Variants in MPPED2 observed in about 807,000 individuals in gnomAD.
MPPED2 encodes metallophosphoesterase MPPED2.
A neutral mutation model predicts 33.0 loss-of-function variants in MPPED2; 5 were observed. The observed-to-expected ratio is 0.15, with a 90% confidence interval of 0.08 to 0.32. The LOEUF is 0.32. Among genes scored for constraint, MPPED2 ranks in the 10% least tolerant of loss-of-function variants. The pLI is 1.00. For synonymous variants in MPPED2, 136 were observed against 141.9 expected (o/e 0.96, Z 0.29); for missense variants, 275 against 372.1 (o/e 0.74, Z 2.15).
At chr11:30,462,758 T>A (rs1950557729) in intron 4 of MPPED2, among the ~76,000 whole-genome samples, 1 of 152,224 alleles carries the variant, frequency 6.6e-6, no homozygotes, top group Non-Finnish European at 1.5e-5. Context: ...GTATTTTTAA[T>A]TGATGGAAAA....
At chr11:30,585,832 G>A (rs933714515) in intron 1 of MPPED2, among the ~76,000 whole-genome samples, 1 of 152,210 alleles carries the variant, frequency 6.6e-6, no homozygotes, top group Non-Finnish European at 1.5e-5. Context: ...AATTGCCCGG[G>A]AGGCGCCCGC....
chr11:30,514,290 T>C (rs1362232817), intron 3 of MPPED2, among the ~76,000 whole-genome samples: 1 of 152,180 alleles, frequency 6.6e-6, no homozygotes, highest in African/African-American at 2.4e-5. Context: ...TTCAAGGAAA[T>C]GGTCATCACC....
In MPPED2 at chr11:30,495,358, G is replaced by C; in HGVS notation, c.474C>G (p.Asn158Lys). Residue 158 changes from asparagine (N) to lysine (K), a missense_variant, in exon 4 of 7, where the codon AAC (asparagine) becomes AAG (lysine). By Grantham distance (94) the Asn-to-Lys change is moderately conservative. Coordinates refer to ENST00000358117, the MANE Select transcript of MPPED2 (RefSeq NM_001584.3). ...DFDNVQSLLT[N>K]SIYLQDSEVT... ...CCTCCGAATCTTGTAAGTAAATACT[G>C]TTTGTCAGGAGGGACTGAACATTGT... 1.9e-6 allele frequency: 3 copies of C among 1,614,104 alleles called. No individual in the cohort carries two copies. In the African/African-American group the frequency reaches 4.0e-5, roughly 22 times the overall value.
At chr11:30,405,341 A>G (rs374937183), downstream of MPPED2, among the ~76,000 whole-genome samples, 26 of 152,306 alleles carry the variant, frequency 1.7e-4, no homozygotes, top group South Asian at 5.4e-3. Context: ...GAGTGTTCAG[A>G]TGCACCTCAT....
chr11:30,416,010 C>T (rs1361911023), intron 5 of MPPED2, among the ~76,000 whole-genome samples: 1 of 152,230 alleles, frequency 6.6e-6, no homozygotes, highest in African/African-American at 2.4e-5. Context: ...CACTGGGTAA[C>T]TCATGCTGAT....
intron 6 of MPPED2, among the ~76,000 whole-genome samples, chr11:30,399,000 C>T (rs1020911587): frequency 6.6e-6 from 1 of 152,084 alleles, no homozygotes; most frequent in Non-Finnish European, 1.5e-5. Flanking sequence ...GTGAAAGATG[C>T]TCCAAAAGTG....
downstream of MPPED2, among the ~76,000 whole-genome samples, chr11:30,405,806 T>C (rs1191641878): frequency 1.3e-5 from 2 of 152,086 alleles, no homozygotes; most frequent in East Asian, 3.9e-4. Flanking sequence ...ATTGACAGAA[T>C]AAAAATCCTC....
intron 2 of MPPED2, among the ~76,000 whole-genome samples, chr11:30,562,779 G>A (rs950626157): frequency 3.3e-5 from 5 of 152,038 alleles, no homozygotes; most frequent in African/African-American, 1.2e-4. Context: ...CTCTACTTCT[G>A]TTTCCTTCAC....
chr11:30,386,549 C>G, exon 7 of MPPED2: 1 of 394,612 alleles, frequency 2.5e-6, no homozygotes, highest in Non-Finnish European at 4.5e-6. Flanking sequence ...TTATAAAATA[C>G]CCAGTCTCAG....
At chr11:30,506,873 GC>G (rs1952851301) in intron 3 of MPPED2, among the ~76,000 whole-genome samples, 1 of 152,200 alleles carries the variant, frequency 6.6e-6, no homozygotes, top group South Asian at 2.1e-4. Flanking sequence ...ATTCTGCGGG[GC>G]AGGGCTGCAG....
chr11:30,491,689 T>C (rs1483861085), intron 4 of MPPED2, among the ~76,000 whole-genome samples: 2 of 152,102 alleles, frequency 1.3e-5, no homozygotes, highest in Non-Finnish European at 2.9e-5. Context: ...ACTGAGCAAG[T>C]GGTAAAGATG....
intron 4 of MPPED2, among the ~76,000 whole-genome samples, chr11:30,484,453 T>A (rs544802021): frequency 5.8e-4 from 89 of 152,316 alleles, no homozygotes; most frequent in Non-Finnish European, 9.4e-4. Context: ...TAATGCAGAT[T>A]TGTAGCTCAC....
intron 3 of MPPED2, among the ~76,000 whole-genome samples, chr11:30,523,092 G>A (rs1358722185): frequency 6.6e-6 from 1 of 151,922 alleles, no homozygotes; most frequent in Non-Finnish European, 1.5e-5. Context: ...GTCAGGCAGA[G>A]TAGAGCCCTG....
intron 4 of MPPED2, among the ~76,000 whole-genome samples, chr11:30,488,067 C>T (rs1951820960): frequency 6.6e-6 from 1 of 152,176 alleles, no homozygotes. Flanking sequence ...TCCTATTTTG[C>T]CCTCAAATTA....
chr11:30,562,058 T>C (rs1051272497), intron 2 of MPPED2, among the ~76,000 whole-genome samples: 3 of 152,182 alleles, frequency 2.0e-5, no homozygotes, highest in African/African-American at 7.2e-5. Context: ...TTCATCTTCA[T>C]GTCTCCAAAT....
At chr11:30,450,640 A>G (rs1950016426) in intron 4 of MPPED2, among the ~76,000 whole-genome samples, 1 of 152,200 alleles carries the variant, frequency 6.6e-6, no homozygotes, top group Non-Finnish European at 1.5e-5. Context: ...ACACCCTATA[A>G]ACAAATTCAC....
intron 3 of MPPED2, among the ~76,000 whole-genome samples, chr11:30,501,358 T>A (rs112319402): frequency 6.6e-6 from 1 of 152,188 alleles, no homozygotes; most frequent in South Asian, 2.1e-4. Flanking sequence ...TCTTTCAAAC[T>A]AACAAAAGTA....
Position 30,570,018 on chromosome 11 carries a change from G to A in MPPED2, c.128+10228C>T, listed in dbSNP as rs187468973. ...TTTTCCCTCTCTCCTTCACAAATACGCCCATTTCTCCTCTTGTTCCCTCTA... is the reference window on the plus strand; with the variant it reads ...TTTTCCCTCTCTCCTTCACAAATACACCCATTTCTCCTCTTGTTCCCTCTA... On this transcript the variant is annotated intron_variant, in intron 2 of 6. Transcript: ENST00000358117. Among the ~76,000 whole-genome samples the A allele has an allele frequency of 7.2e-5, 11 of 152,072 alleles. No individual in the cohort carries two copies. In the East Asian group the frequency reaches 1.5e-3, roughly 21 times the overall value.
intron 4 of MPPED2, among the ~76,000 whole-genome samples, chr11:30,441,796 C>T (rs1271430106): frequency 6.6e-6 from 1 of 152,144 alleles, no homozygotes; most frequent in African/African-American, 2.4e-5. Context: ...AGTGCTGAGG[C>T]CTCATCACAG....
Sources: gnomAD v4.1 joint callset for allele counts (sites outside exome capture counted in the v4.1 genomes callset) on GRCh38, gnomAD v4.1.1 for gene constraint, MANE v1.5 for transcripts, NCBI Gene and HGNC (gene_info 2026-07-23, HGNC 2026-07-21) for gene names.